Variants in MCM3AP observed in about 807,000 individuals in gnomAD.
MCM3AP encodes minichromosome maintenance complex component 3 associated protein.
MCM3AP carries 126 observed loss-of-function variants against 184.1 expected under a neutral mutation model. The ratio of observed to expected loss-of-function variants is 0.68; its 90% CI spans 0.59 to 0.79. The LOEUF is 0.79. MCM3AP is among the 30% of genes least tolerant of loss of function. MCM3AP has a pLI of 0.00. For synonymous variants in MCM3AP, 1,002 were observed against 979.3 expected, an observed-to-expected ratio of 1.02 and a Z score of -0.43; for missense variants, 2,496 against 2,479.2, an observed-to-expected ratio of 1.01 and a Z score of -0.14.
chr21:46,240,208 G>C (rs1433700571), intron 26 of MCM3AP, among the ~76,000 whole-genome samples: 2 of 152,154 alleles, frequency 1.3e-5, no homozygotes, highest in African/African-American at 4.8e-5. Context: ...ACTACGAGCT[G>C]CATGGTTCGT....
In MCM3AP at chr21:46,283,667, C is replaced by G. The variant is rs139188881; in HGVS notation, c.1391G>C (p.Arg464Pro). ...CTTTTTGCTGCGCCTGGTAAAGATG[C>G]GCTGCACTTTAGCAATTTTGCCAAA... ...NHFGKIAKVQRIFTRRSKKLA... is the reference protein window; with the variant it reads ...NHFGKIAKVQPIFTRRSKKLA... The change falls in exon 2 of 28, where the codon CGC (arginine) becomes CCC (proline). Residue 464 changes from arginine to proline, a missense_variant. By Grantham distance (103) the Arg-to-Pro change is moderately radical. Coordinates refer to ENST00000291688, the MANE Select transcript of MCM3AP (RefSeq NM_003906.5). The G allele has an allele frequency of 6.2e-7, 1 of 1,613,926 alleles. No homozygotes were observed. Among genetic ancestry groups the G allele is most frequent in the African/African-American group, 1.3e-5 (1 of 74,900 alleles).
In MCM3AP at chr21:46,284,751, G is replaced by A. The variant is rs745866447; in HGVS notation, c.536C>T (p.Ser179Phe). 1.9e-6 allele frequency: 3 copies of A among 1,613,808 alleles called. No homozygotes were observed. Among genetic ancestry groups the A allele is most frequent in the Non-Finnish European group, 1.7e-6 (2 of 1,179,968 alleles). ...SQIASGFFTF[S>F]HPISSAPGGL... ...TCCAGGTGCACTACTAATTGGGTGG[G>A]AAAATGTAAAAAACCCAGAAGCAAT... is the stretch of plus-strand genomic sequence containing the variant. The change falls in exon 1 of 28, where the codon TCC becomes TTC. Residue 179 changes from serine (S) to phenylalanine (F), a missense_variant. Ser to Phe is a radical substitution (Grantham distance 155). This residue lies in a region of MCM3AP where 800 missense variants were observed against 717.1 expected (regional missense o/e 1.12). Transcript: ENST00000291688.
Position 46,284,929 on chromosome 21 carries a change from C to G in MCM3AP, c.358G>C (p.Ala120Pro), listed in dbSNP as rs2081387738. The change falls in exon 1 of 28, where the codon GCT becomes CCT. Residue 120 changes from alanine (A) to proline (P), a missense_variant. Transcript: ENST00000291688. ...FSFKSPTSVGAFPSTSAFGQE... is the reference protein window; with the variant it reads ...FSFKSPTSVGPFPSTSAFGQE... ...CCAAAAGCAGAAGTGCTTGGGAAAG[C>G]CCCAACACTGGTGGGTGATTTAAAA... 1 of 1,614,156 alleles carries G rather than the reference C, an allele frequency of 6.2e-7. No individual in the cohort carries two copies. The highest frequency in any genetic ancestry group is 1.7e-5 in the Admixed American group (1 of 60,024).
At position 46,279,608 on chromosome 21, in the gene MCM3AP, A is replaced by ACTC. The variant is rs529891530; in HGVS notation, c.1667+384_1667+385insGAG. On this transcript the variant is annotated intron_variant, in intron 4 of 27. Coordinates refer to ENST00000291688, the MANE Select transcript of MCM3AP (RefSeq NM_003906.5). Reference sequence around the variant, plus strand: ...CCAGCTATAACAACTGTGTGATGAGATTCTCCCATAGAAAATGCCAAGATG... The same window carrying ACTC: ...CCAGCTATAACAACTGTGTGATGAGACTCTTCTCCCATAGAAAATGCCAAGATG... Among the ~76,000 whole-genome samples the ACTC allele has an allele frequency of 1.8e-4, 28 of 152,344 alleles. No homozygotes were observed. The South Asian group carries it at 5.0e-3, about 27-fold the overall frequency.
At chr21:46,247,029 G>A (rs2080784895) in intron 20 of MCM3AP, 143 bp from the exon 21 acceptor site, 1 of 725,998 alleles carries the variant, frequency 1.4e-6, no homozygotes, top group Non-Finnish European at 2.3e-6. Context: ...GGGCACAGCT[G>A]GGCATACCCT....
chr21:46,280,329 C>T (rs1415917485), intron 3 of MCM3AP, among the ~76,000 whole-genome samples, 168 bp downstream of exon 3: 1 of 152,280 alleles, frequency 6.6e-6, no homozygotes, highest in East Asian at 1.9e-4. Context: ...AAAGGGCTCA[C>T]GCTCAAAGGG....
At chr21:46,255,379 ACGC>A (rs1190013283) in intron 17 of MCM3AP, among the ~76,000 whole-genome samples, 8 of 151,710 alleles carry the variant, frequency 5.3e-5, no homozygotes, top group Admixed American at 4.6e-4. Flanking sequence ...AGCGCTAGGG[ACGC>A]CGCCGAGAGG....
In MCM3AP at chr21:46,240,834, C is replaced by T; in HGVS notation, c.5610G>A (p.Leu1870=). The part of the protein sequence containing the change: ...LLAQCLSSSL[L]LEKEENKRFE... ...ACCTCTTGTTCTCTTCTTTCTCCAG[C>T]AGCAGACTGCTCGACAAACACTGCG... Residue 1870 remains leucine, a synonymous_variant, in exon 26 of 28, where the codon CTG becomes CTA. Transcript: ENST00000291688. 6.2e-7 allele frequency: 1 copy of T among 1,614,192 alleles called. No homozygotes were observed.
At chr21:46,267,607 G>C (rs2081130166) in intron 9 of MCM3AP, 1 of 154,844 alleles carries the variant, frequency 6.5e-6, no homozygotes. Context: ...AAAGAAGACA[G>C]AGACCAGGTG....
chr21:46,280,545 TC>T lies in MCM3AP; in HGVS notation c.1473del (p.Ser493ValfsTer15). 6.2e-7 allele frequency: 1 copy of T among 1,613,044 alleles called. No individual in the cohort carries two copies. Among genetic ancestry groups the T allele is most frequent in the Non-Finnish European group, 8.5e-7 (1 of 1,179,252 alleles). ...ATAGCCATGTCTTTATGCAAACTTT[TC>T]CCCTTCTTTCTAGCCAGGGCTGCAG... ...HASAALARKK[G>X]KSLHKDMAIF... On this transcript the variant is annotated frameshift_variant, in exon 3 of 28. Coordinates refer to ENST00000291688, the MANE Select transcript of MCM3AP (RefSeq NM_003906.5). LOFTEE classifies it high-confidence loss of function.
chr21:46,277,409 A>G, intron 5 of MCM3AP, 118 bp downstream of exon 5: 1 of 692,092 alleles, frequency 1.4e-6, no homozygotes, highest in Non-Finnish European at 2.3e-6. Flanking sequence ...ACAGCATATC[A>G]CAGGCTCTGA....
intron 6 of MCM3AP, among the ~76,000 whole-genome samples, chr21:46,274,938 CA>C (rs35282554): frequency 0.053 from 5,112 of 96,912 alleles, 104 homozygotes; most frequent in African/African-American, 0.17. Context: ...GACCCTGTCT[CA>C]AAAAAAAAAA....
intron 9 of MCM3AP, among the ~76,000 whole-genome samples, chr21:46,268,342 C>G (rs185414972): frequency 6.6e-6 from 1 of 152,364 alleles, no homozygotes; most frequent in Admixed American, 6.5e-5. Context: ...CAACACTGAT[C>G]AAGCATTTGC....
At chr21:46,258,737 ATGTGTG>A (rs55695472) in intron 16 of MCM3AP, among the ~76,000 whole-genome samples, 196 bp downstream of exon 16, 1 of 150,086 alleles carries the variant, frequency 6.7e-6, no homozygotes, top group Admixed American at 6.7e-5. Context: ...CTTATATTGT[ATGTGTG>A]TGTGTGTGTG....
chr21:46,266,226 T>C, intron 10 of MCM3AP, 60 bp from the exon 11 acceptor site: 2 of 1,534,134 alleles, frequency 1.3e-6, no homozygotes, highest in Non-Finnish European at 8.8e-7. Context: ...AGCTTCGCCC[T>C]CAGTGCCCTG....
Position 46,239,900 on chromosome 21 carries a change from C to G in MCM3AP, c.5633+911G>C, listed in dbSNP as rs538984150. Among the ~76,000 whole-genome samples, 3 of 152,100 alleles carry G rather than the reference C, an allele frequency of 2.0e-5. No individual in the cohort carries two copies. The East Asian group carries it at 5.8e-4, about 29-fold the overall frequency. ...GGGAGGATCAAGTATGGGATGCTAC[C>G]AAGGACTGGGATTCACGGTCATGTT... On this transcript the variant is annotated intron_variant, in intron 26 of 27. Transcript: ENST00000291688.
chr21:46,275,817 A>C (rs908008001), intron 5 of MCM3AP, among the ~76,000 whole-genome samples: 2 of 152,252 alleles, frequency 1.3e-5, no homozygotes, highest in Non-Finnish European at 2.9e-5. Flanking sequence ...TAATATAAGA[A>C]TCATATAATG....
In MCM3AP at chr21:46,254,857, G is replaced by A. The variant is rs560827151; in HGVS notation, c.3933-13C>T. 6.2e-7 allele frequency: 1 copy of A among 1,610,782 alleles called. No homozygotes were observed. On this transcript the variant is annotated splice_polypyrimidine_tract_variant and intron_variant, in intron 17 of 27. Coordinates refer to ENST00000291688, the MANE Select transcript of MCM3AP (RefSeq NM_003906.5). Reference sequence around the variant, plus strand: ...GAGCCGCCTTAACCTGCAAAGGAAAGCAGAATGACAGTGTCCCCGCAGGAG... The same window carrying A: ...GAGCCGCCTTAACCTGCAAAGGAAAACAGAATGACAGTGTCCCCGCAGGAG...
chr21:46,249,596 T>G (rs1164779851), intron 20 of MCM3AP: 1 of 453,572 alleles, frequency 2.2e-6, no homozygotes, highest in South Asian at 1.6e-5. Context: ...CTTAAGGTAT[T>G]TTGTTAATAA....
Sources: allele counts gnomAD v4.1 joint callset (sites outside exome capture counted in the v4.1 genomes callset), GRCh38; gene constraint gnomAD v4.1.1; regional missense constraint gnomAD v4.1.1; transcripts MANE v1.5; gene names NCBI Gene and HGNC (gene_info 2026-07-23, HGNC 2026-07-21).